The following LAMA1 variants were observed in gnomAD, a reference collection of about 807,000 sequenced individuals.
The protein encoded by LAMA1 is laminin subunit alpha 1.
A neutral mutation model predicts 348.7 loss-of-function variants in LAMA1; 219 were observed. That is an observed-to-expected ratio of 0.63 (90% CI 0.56 to 0.70). The LOEUF is 0.70. LAMA1 is among the 30% of genes least tolerant of loss of function. The pLI is 0.00. For synonymous variants in LAMA1, 1,487 were observed against 1,491.0 expected (o/e 1.00, Z 0.06); for missense variants, 3,744 against 3,888.0 (o/e 0.96, Z 0.99).
intron 1 of LAMA1, among the ~76,000 whole-genome samples, chr18:7,109,185 T>G (rs2058325997): frequency 6.6e-6 from 1 of 152,230 alleles, no homozygotes; most frequent in Non-Finnish European, 1.5e-5. Context: ...GTGCCAGGGC[T>G]GGGTTTGTTA....
chr18:7,116,992 G>C (rs2058359640), intron 1 of LAMA1, among the ~76,000 whole-genome samples: 1 of 152,040 alleles, frequency 6.6e-6, no homozygotes, highest in Admixed American at 6.5e-5. Context: ...CAGTGAATGA[G>C]CGGGTTTGGC....
At chr18:6,993,921 G>T (rs2057769480) in intron 34 of LAMA1, among the ~76,000 whole-genome samples, 169 bp from the exon 35 acceptor site, 1 of 152,152 alleles carries the variant, frequency 6.6e-6, no homozygotes, top group Non-Finnish European at 1.5e-5. Flanking sequence ...TAATATTTTG[G>T]GGTTAGAAAT....
chr18:7,082,416 T>C (rs2058196716), intron 1 of LAMA1, among the ~76,000 whole-genome samples: 1 of 152,102 alleles, frequency 6.6e-6, no homozygotes, highest in African/African-American at 2.4e-5. Flanking sequence ...ACCAGATGAG[T>C]CATTGTGTTT....
chr18:7,054,289 C>T (rs544369829), intron 3 of LAMA1, among the ~76,000 whole-genome samples: 1 of 152,266 alleles, frequency 6.6e-6, no homozygotes, highest in Non-Finnish European at 1.5e-5. Flanking sequence ...TGTCATAAGG[C>T]TCTGGACACA....
chr18:7,014,052 C>G lies in LAMA1; in HGVS notation c.3127-1G>C. 6.2e-7 allele frequency: 1 copy of G among 1,612,208 alleles called. No individual in the cohort carries two copies. The highest frequency in any genetic ancestry group is 8.5e-7 in the Non-Finnish European group (1 of 1,178,536). ...ACCCCACGAGACTGCAATTGCAGGC[C>G]TGAGAGAAGGGAAAACCAACTCAAT... On this transcript the variant is annotated splice_acceptor_variant, in intron 22 of 62. Coordinates refer to ENST00000389658, the MANE Select transcript of LAMA1 (RefSeq NM_005559.4). LOFTEE classifies it high-confidence loss of function.
At position 6,986,331 on chromosome 18, in the gene LAMA1, A is replaced by G. The variant is rs1456364945; in HGVS notation, c.5185T>C (p.Leu1729=). 5 of 1,614,192 alleles carry G rather than the reference A, an allele frequency of 3.1e-6. No individual in the cohort carries two copies. Among genetic ancestry groups the G allele is most frequent in the Non-Finnish European group, 4.2e-6 (5 of 1,180,020 alleles). ...TLELKAAEDL[L]SQIQENYQKP... ...TGGTAATTTTCCTGAATTTGTGACA[A>G]TAAATCTTCAGCAGCCCTGATAAAT... Residue 1729 remains leucine (L), a synonymous_variant, in exon 37 of 63, where the codon TTG becomes CTG. Transcript: ENST00000389658.
chr18:6,997,425 A>G (rs1341783167), intron 33 of LAMA1, among the ~76,000 whole-genome samples: 1 of 152,216 alleles, frequency 6.6e-6, no homozygotes, highest in Admixed American at 6.5e-5. Context: ...GTTGTCTTAC[A>G]GAAGAGCAAG....
chr18:7,006,283 A>G (rs2057831409), intron 29 of LAMA1, among the ~76,000 whole-genome samples: 1 of 152,162 alleles, frequency 6.6e-6, no homozygotes, highest in South Asian at 2.1e-4. Flanking sequence ...TGTCCCCGAG[A>G]CCAATCTTGG....
intron 1 of LAMA1, among the ~76,000 whole-genome samples, chr18:7,110,913 T>A (rs2058333311): frequency 6.6e-6 from 1 of 150,422 alleles, no homozygotes. Flanking sequence ...CTAATTGTTC[T>A]CTTTTAACTA....
chr18:7,018,524 T>C (rs1343570915), intron 19 of LAMA1, among the ~76,000 whole-genome samples: 6 of 149,854 alleles, frequency 4.0e-5, no homozygotes, highest in Admixed American at 1.3e-4. Context: ...GCCTCCCGAG[T>C]AGCTGGGACT....
At chr18:7,039,036 G>A in intron 10 of LAMA1, 86 bp from the exon 11 acceptor site, 1 of 1,083,390 alleles carries the variant, frequency 9.2e-7, no homozygotes, top group Non-Finnish European at 1.4e-6. Context: ...TAGGTGTTCG[G>A]TGATCCACAG....
intron 25 of LAMA1, 85 bp downstream of exon 25, chr18:7,011,215 G>A: frequency 6.9e-7 from 1 of 1,448,602 alleles, no homozygotes; most frequent in African/African-American, 1.4e-5. Flanking sequence ...TTAAATGACA[G>A]GCCGGCCCAG....
intron 30 of LAMA1, among the ~76,000 whole-genome samples, chr18:7,000,942 C>T (rs2057804923): frequency 6.6e-6 from 1 of 152,212 alleles, no homozygotes; most frequent in Admixed American, 6.5e-5. Flanking sequence ...CACAACCTGA[C>T]AATCTCTTCC....
chr18:6,950,748 A>G (rs1260402546), intron 58 of LAMA1, 34 bp downstream of exon 58: 2 of 1,611,840 alleles, frequency 1.2e-6, no homozygotes, highest in East Asian at 4.5e-5. Context: ...AACAGAACTC[A>G]GAAGCAGCCA....
At chr18:6,958,763 A>G (rs1273902389) in intron 54 of LAMA1, 101 bp from the exon 55 acceptor site, 19 of 989,182 alleles carry the variant, frequency 1.9e-5, no homozygotes, top group African/African-American at 3.3e-5. Context: ...TGAATAATAA[A>G]AGTTCCCTAA....
chr18:6,957,182 A>T, intron 55 of LAMA1: 1 of 302,110 alleles, frequency 3.3e-6, no homozygotes, highest in Non-Finnish European at 6.4e-6. Flanking sequence ...GTTGTGGGCT[A>T]CGCTTGTCAC....
Position 6,985,521 on chromosome 18 carries a change from AT to A in LAMA1, c.5496+5del, listed in dbSNP as rs1484517464. On this transcript the variant is annotated splice_donor_5th_base_variant and intron_variant, in intron 38 of 62. Transcript: ENST00000389658. ...TGTACTGTGGCTGTGCTGAGATGTA[AT>A]TTACCTCTAGAGCATCTTGTACAGC... is the stretch of plus-strand genomic sequence containing the variant. 6.2e-7 allele frequency: 1 copy of A among 1,613,324 alleles called. No homozygotes were observed. The highest frequency in any genetic ancestry group is 8.5e-7 in the Non-Finnish European group (1 of 1,179,368).
At chr18:7,003,320 G>A (rs2057816636) in intron 29 of LAMA1, among the ~76,000 whole-genome samples, 2 of 148,804 alleles carry the variant, frequency 1.3e-5, no homozygotes, top group African/African-American at 5.0e-5. Flanking sequence ...GCATTATCTC[G>A]GCTCACTGTG....
Position 6,960,901 on chromosome 18 carries a change from T to C in LAMA1, c.7626+685A>G, listed in dbSNP as rs376541931. 1.1e-3 allele frequency among the ~76,000 whole-genome samples: 143 copies of C among 132,476 alleles called. 4 individuals carry two copies. The South Asian group carries it at 0.026, about 24-fold the overall frequency. 86.9% of individuals were successfully genotyped at this position (132,476 alleles called of 152,430 possible). ...CATTCCCCTTGCAGCATGGTTGTGA[T>C]TAATTACACAGCAATGTCTGTAAAG... is the stretch of plus-strand genomic sequence containing the variant. On this transcript the variant is annotated intron_variant, in intron 53 of 62. Coordinates refer to ENST00000389658, the MANE Select transcript of LAMA1 (RefSeq NM_005559.4).
Sources: gnomAD v4.1 joint callset for allele counts (sites outside exome capture counted in the v4.1 genomes callset) on GRCh38, gnomAD v4.1.1 for gene constraint, MANE v1.5 for transcripts, NCBI Gene and HGNC (gene_info 2026-07-23, HGNC 2026-07-21) for gene names.